Variants in UGT1A5 observed in about 807,000 individuals in gnomAD.
UGT1A5 encodes UDP glucuronosyltransferase family 1 member A5.
A neutral mutation model predicts 40.3 loss-of-function variants in UGT1A5; 29 were observed. That is an observed-to-expected ratio of 0.72 (90% CI 0.54 to 0.98). The LOEUF is 0.98. Among genes scored for constraint, UGT1A5 ranks in the 50% least tolerant of loss-of-function variants. The pLI is 0.00. For synonymous variants in UGT1A5, 257 were observed against 262.5 expected (o/e 0.98, Z 0.20); for missense variants, 678 against 677.9 (o/e 1.00, Z 0.00).
At chr2:233,751,615 T>C (rs531404071) in intron 1 of UGT1A5, among the ~76,000 whole-genome samples, 1 of 152,176 alleles carries the variant, frequency 6.6e-6, no homozygotes, top group Non-Finnish European at 1.5e-5. Flanking sequence ...TGGGAGGTGA[T>C]TGGATCATGT....
At chr2:233,770,517 G>A (rs1365458811) in intron 4 of UGT1A5, 2 of 152,204 alleles carry the variant, frequency 1.3e-5, no homozygotes, top group African/African-American at 4.8e-5. Flanking sequence ...AATTACCCAG[G>A]CATGGTGGTG....
At chr2:233,768,577 TTCTTC>T in intron 4 of UGT1A5, 138 bp downstream of exon 4, 1 of 1,379,982 alleles carries the variant, frequency 7.2e-7, no homozygotes, top group Non-Finnish European at 9.4e-7. Context: ...GGATTTTTAT[TTCTTC>T]TTTTTTTTTT....
intron 4 of UGT1A5, chr2:233,771,511 A>G (rs1282263981): frequency 1.3e-5 from 2 of 152,328 alleles, no homozygotes; most frequent in Non-Finnish European, 2.9e-5. Context: ...ACTGAATTAC[A>G]AATATATCAT....
At chr2:233,742,942 C>G (rs1321055603) in intron 1 of UGT1A5, 1 of 213,758 alleles carries the variant, frequency 4.7e-6, no homozygotes, top group South Asian at 7.7e-5. Context: ...TGTCCTACCA[C>G]TAGCAAATAA....
intron 1 of UGT1A5, among the ~76,000 whole-genome samples, chr2:233,756,899 G>C (rs917423369): frequency 1.6e-4 from 25 of 152,034 alleles, no homozygotes; most frequent in African/African-American, 5.8e-4. Context: ...TATCTCACCA[G>C]AACAAACTTC....
intron 1 of UGT1A5, among the ~76,000 whole-genome samples, chr2:233,724,167 C>T (rs1161532135): frequency 7.9e-6 from 1 of 127,032 alleles, no homozygotes; most frequent in Non-Finnish European, 1.6e-5. Context: ...GGGGCTGACC[C>T]CCCCATCTCC....
chr2:233,738,287 A>T, intron 1 of UGT1A5, among the ~76,000 whole-genome samples: 1 of 152,330 alleles, frequency 6.6e-6, no homozygotes, highest in South Asian at 2.1e-4. Flanking sequence ...TAAATTACCC[A>T]GTCTTGGGTA....
chr2:233,738,316 T>C (rs1483940334), intron 1 of UGT1A5, among the ~76,000 whole-genome samples: 4 of 152,176 alleles, frequency 2.6e-5, no homozygotes, highest in African/African-American at 7.2e-5. Context: ...TAGCAGTGTG[T>C]GAATGGACTA....
At chr2:233,718,862 A>T (rs62191899) in intron 1 of UGT1A5, 1 of 1,613,832 alleles carries the variant, frequency 6.2e-7, no homozygotes, top group Non-Finnish European at 8.5e-7. Flanking sequence ...GGCTGGCCAC[A>T]GGACTGCTGC....
chr2:233,767,766 CT>C, intron 2 of UGT1A5, 82 bp from the exon 3 acceptor site: 1 of 1,609,200 alleles, frequency 6.2e-7, no homozygotes, highest in South Asian at 1.1e-5. Flanking sequence ...CAGAGGACCC[CT>C]GTTTTCTAGT....
In UGT1A5 at chr2:233,772,637, A is replaced by G; in HGVS notation, c.*78A>G. ...AACTTGAAAACAGAATCAGTGTTAA[A>G]TTCATTTTATTCTTATTAAGGAAAT... On this transcript the variant is annotated 3_prime_UTR_variant, in exon 5 of 5. Transcript: ENST00000373414. The G allele has an allele frequency of 1.5e-5, 23 of 1,552,946 alleles. No individual in the cohort carries two copies. Among genetic ancestry groups the G allele is most frequent in the Non-Finnish European group, 2.0e-5 (23 of 1,148,470 alleles).
chr2:233,719,033 A>G, intron 1 of UGT1A5: 2 of 1,614,270 alleles, frequency 1.2e-6, no homozygotes, highest in Admixed American at 1.7e-5. Context: ...ACATCAAAGA[A>G]GAGAAATTTT....
intron 1 of UGT1A5, among the ~76,000 whole-genome samples, chr2:233,752,978 A>C (rs961719654): frequency 2.0e-5 from 3 of 152,180 alleles, no homozygotes; most frequent in Admixed American, 6.5e-5. Context: ...AATTGTGTAG[A>C]TACAAACCCA....
At chr2:233,749,646 T>C (rs1395564636) in intron 1 of UGT1A5, among the ~76,000 whole-genome samples, 1 of 151,888 alleles carries the variant, frequency 6.6e-6, no homozygotes, top group Non-Finnish European at 1.5e-5. Flanking sequence ...AAATCTCATC[T>C]TGAATTGTAA....
intron 1 of UGT1A5, chr2:233,719,255 C>T (rs1240913089): frequency 2.5e-6 from 4 of 1,614,024 alleles, no homozygotes; most frequent in Non-Finnish European, 3.4e-6. Flanking sequence ...ATGCTACTTC[C>T]TTTGATGTGG....
Position 233,768,243 on chromosome 2 carries a change from A to T in UGT1A5, c.1111A>T (p.Ile371Phe). The T allele has an allele frequency of 6.2e-7, 1 of 1,614,146 alleles. No individual in the cohort carries two copies. The highest frequency in any genetic ancestry group is 8.5e-7 in the Non-Finnish European group (1 of 1,180,022). Residue 371 changes from isoleucine to phenylalanine, a missense_variant, in exon 4 of 5, where the codon ATC (isoleucine) becomes TTC (phenylalanine). Ile to Phe is a conservative substitution (Grantham distance 21). Transcript: ENST00000373414. The part of the protein sequence containing the change: ...LLGHPMTRAF[I>F]THAGSHGVYE... Reference sequence around the variant, plus strand: ...AGGTCACCCGATGACCCGTGCCTTTATCACCCATGCTGGTTCCCATGGTGT... The same window carrying T: ...AGGTCACCCGATGACCCGTGCCTTTTTCACCCATGCTGGTTCCCATGGTGT...
chr2:233,735,219 T>G (rs1349774730), intron 1 of UGT1A5, among the ~76,000 whole-genome samples: 1 of 152,194 alleles, frequency 6.6e-6, no homozygotes, highest in Admixed American at 6.5e-5. Flanking sequence ...GCATATATAT[T>G]TAGGATAGTT....
At position 233,767,018 on chromosome 2, in the gene UGT1A5, T is replaced by G. The variant is rs1699309557; in HGVS notation, c.868-16T>G. ...TATGAGAAAAAATTAACTGAAAATT[T>G]TTCTTCTGGCTCTAGGAATTTGAAG... On this transcript the variant is annotated splice_polypyrimidine_tract_variant and intron_variant, in intron 1 of 4. Coordinates refer to ENST00000373414, the MANE Select transcript of UGT1A5 (RefSeq NM_019078.2). 1 of 1,613,912 alleles carries G rather than the reference T, an allele frequency of 6.2e-7. No individual in the cohort carries two copies. Among genetic ancestry groups the G allele is most frequent in the East Asian group, 2.2e-5 (1 of 44,862 alleles).
Position 233,772,929 on chromosome 2 carries a change from C to G in UGT1A5, c.*370C>G, listed in dbSNP as rs1186146273. On this transcript the variant is annotated 3_prime_UTR_variant, in exon 5 of 5. Transcript: ENST00000373414. ...CCCTACTGCAAATGGCAGTTTTAAT[C>G]TTATCTTTTGGCTTCTGCAGATGGT... is the stretch of plus-strand genomic sequence containing the variant. The G allele has an allele frequency of 2.8e-6, 1 of 355,154 alleles. No homozygotes were observed. The highest frequency in any genetic ancestry group is 4.3e-5 in the Admixed American group (1 of 23,230). 22.0% of individuals were successfully genotyped at this position (355,154 alleles called of 1,614,324 possible). A position where few individuals can be genotyped will look rare whatever the true frequency, so the allele number is the denominator to read the frequency against.
Sources: gnomAD v4.1 joint callset for allele counts (sites outside exome capture counted in the v4.1 genomes callset) on GRCh38, gnomAD v4.1.1 for gene constraint, MANE v1.5 for transcripts, NCBI Gene and HGNC (gene_info 2026-07-23, HGNC 2026-07-21) for gene names.